Variants in IFTAP observed in about 807,000 individuals in gnomAD.
IFTAP encodes intraflagellar transport associated protein, also known as intraflagellar transport-associated protein.
A neutral mutation model predicts 19.4 loss-of-function variants in IFTAP; 19 were observed. That is an observed-to-expected ratio of 0.98 (90% CI 0.68 to 1.44). The LOEUF is 1.44. Ranked by LOEUF, IFTAP falls within the 40% of genes most tolerant of loss-of-function variation. The pLI is 0.00. For synonymous variants in IFTAP, 85 were observed against 83.5 expected, an observed-to-expected ratio of 1.02 and a Z score of -0.10; for missense variants, 240 against 253.6, an observed-to-expected ratio of 0.95 and a Z score of 0.36.
intron 5 of IFTAP, among the ~76,000 whole-genome samples, chr11:36,654,386 A>G (rs887472866): frequency 2.6e-5 from 4 of 151,872 alleles, no homozygotes; most frequent in Non-Finnish European, 5.9e-5. Context: ...CATGTGCACA[A>G]TGTGCAGGTT....
At chr11:36,596,211 G>GTTTTTTTTTTTTT (rs1243664769) in intron 1 of IFTAP, among the ~76,000 whole-genome samples, 2 of 101,158 alleles carry the variant, frequency 2.0e-5, no homozygotes, top group African/African-American at 8.2e-5. Context: ...AGATGGTAGT[G>GTTTTTTTTTTTTT]TTTTTTTTTT....
At chr11:36,633,135 T>C (rs536570605) in intron 2 of IFTAP, 149 bp from the exon 3 acceptor site, 2 of 564,162 alleles carry the variant, frequency 3.5e-6, no homozygotes, top group African/African-American at 4.0e-5. Flanking sequence ...CTTTTAACAG[T>C]TCAGAGTGCT....
At chr11:36,638,946 CA>C (rs1853078552) in intron 4 of IFTAP, among the ~76,000 whole-genome samples, 1 of 152,176 alleles carries the variant, frequency 6.6e-6, no homozygotes, top group African/African-American at 2.4e-5. Context: ...CTCTATTAAG[CA>C]ATGGTATTAA....
At chr11:36,642,807 G>A (rs1258852445) in intron 4 of IFTAP, among the ~76,000 whole-genome samples, 2 of 152,140 alleles carry the variant, frequency 1.3e-5, no homozygotes, top group East Asian at 1.9e-4. Flanking sequence ...AAATTCAACA[G>A]CCCTTCATGC....
chr11:36,651,937 G>A, intron 5 of IFTAP, among the ~76,000 whole-genome samples: 1 of 152,292 alleles, frequency 6.6e-6, no homozygotes, highest in African/African-American at 2.4e-5. Context: ...CCAGTACTAT[G>A]CTGTTTTGGT....
At position 36,639,769 on chromosome 11, in the gene IFTAP, T is replaced by C. The variant is rs146640568; in HGVS notation, c.358+3652T>C. On this transcript the variant is annotated intron_variant, in intron 4 of 5. Transcript: ENST00000334307. ...TCCCTCCAGTACCTACCTCCAACAT[T>C]GGGGACCAAATTTCAACATAAGACT... is the stretch of plus-strand genomic sequence containing the variant. Among the ~76,000 whole-genome samples the C allele has an allele frequency of 1.5e-3, 234 of 152,248 alleles. 1 individual carries two copies. Among genetic ancestry groups the C allele is most frequent in the African/African-American group, 5.2e-3 (218 of 41,546 alleles).
intron 4 of IFTAP, among the ~76,000 whole-genome samples, chr11:36,642,789 C>G (rs1272475250): frequency 6.6e-6 from 1 of 152,120 alleles, no homozygotes; most frequent in Non-Finnish European, 1.5e-5. Flanking sequence ...CAGAAAAGGC[C>G]TTTGACAAAA....
intron 1 of IFTAP, among the ~76,000 whole-genome samples, chr11:36,597,436 A>G (rs991573727): frequency 5.3e-5 from 8 of 152,236 alleles, no homozygotes; most frequent in Non-Finnish European, 1.2e-4. Context: ...TTCAAGGTCA[A>G]CACATTAAAG....
intron 1 of IFTAP, among the ~76,000 whole-genome samples, chr11:36,603,341 A>G (rs1341368953): frequency 6.6e-6 from 1 of 152,182 alleles, no homozygotes; most frequent in Admixed American, 6.5e-5. Context: ...GGGGAAAACA[A>G]CACATCTGGT....
chr11:36,600,540 C>T (rs1329880396), intron 1 of IFTAP, among the ~76,000 whole-genome samples: 2 of 152,144 alleles, frequency 1.3e-5, no homozygotes, highest in Non-Finnish European at 2.9e-5. Context: ...GAAACTGTCC[C>T]CCTCACTCTG....
chr11:36,610,393 C>A (rs2133377811), intron 2 of IFTAP, among the ~76,000 whole-genome samples, 154 bp downstream of exon 2: 1 of 152,184 alleles, frequency 6.6e-6, no homozygotes, highest in African/African-American at 2.4e-5. Context: ...GACTGATGCC[C>A]TAATGTTACT....
At chr11:36,607,468 A>G (rs1214158715) in intron 1 of IFTAP, among the ~76,000 whole-genome samples, 1 of 152,182 alleles carries the variant, frequency 6.6e-6, no homozygotes, top group Non-Finnish European at 1.5e-5. Flanking sequence ...CTTATATGCA[A>G]GCATATTGGT....
chr11:36,629,482 T>C (rs1852648084), intron 2 of IFTAP, among the ~76,000 whole-genome samples: 1 of 151,446 alleles, frequency 6.6e-6, no homozygotes, highest in Admixed American at 6.6e-5. Flanking sequence ...TGAATTCTAA[T>C]GTTGGTTGTG....
intron 2 of IFTAP, among the ~76,000 whole-genome samples, chr11:36,625,000 A>T (rs1447011149): frequency 1.3e-5 from 2 of 152,142 alleles, no homozygotes; most frequent in East Asian, 3.8e-4. Flanking sequence ...CTATAGATAA[A>T]CCATGGTTGT....
chr11:36,596,541 A>G (rs571650864), intron 1 of IFTAP, among the ~76,000 whole-genome samples: 1 of 152,346 alleles, frequency 6.6e-6, no homozygotes, highest in Admixed American at 6.5e-5. Flanking sequence ...GCAACTATGA[A>G]AAATGCTATT....
At chr11:36,618,853 G>A (rs1234024175) in intron 2 of IFTAP, among the ~76,000 whole-genome samples, 2 of 152,036 alleles carry the variant, frequency 1.3e-5, no homozygotes, top group Non-Finnish European at 2.9e-5. Flanking sequence ...TCTGGAGTCA[G>A]GGAGACTAGC....
intron 1 of IFTAP, among the ~76,000 whole-genome samples, chr11:36,606,682 T>C (rs1317649639): frequency 6.6e-6 from 1 of 152,244 alleles, no homozygotes; most frequent in African/African-American, 2.4e-5. Context: ...AGAAGACATT[T>C]ACAGGAATGG....
At chr11:36,650,211 G>A (rs928576040) in intron 5 of IFTAP, among the ~76,000 whole-genome samples, 6 of 152,032 alleles carry the variant, frequency 3.9e-5, no homozygotes, top group Non-Finnish European at 8.8e-5. Flanking sequence ...TTACTGAAAG[G>A]CCATTTTGGG....
At chr11:36,638,772 GA>G (rs1473444600) in intron 4 of IFTAP, among the ~76,000 whole-genome samples, 1 of 152,220 alleles carries the variant, frequency 6.6e-6, no homozygotes, top group African/African-American at 2.4e-5. Flanking sequence ...GGGCAACAAG[GA>G]AGTGGCTTGC....
Sources: gnomAD v4.1 joint callset for allele counts (sites outside exome capture counted in the v4.1 genomes callset) on GRCh38, gnomAD v4.1.1 for gene constraint, MANE v1.5 for transcripts, NCBI Gene and HGNC (gene_info 2026-07-23, HGNC 2026-07-21) for gene names.